The following BCAS4 variants were observed in gnomAD, a reference collection of about 807,000 sequenced individuals.
BCAS4 encodes breast carcinoma-amplified sequence 4.
Under a neutral mutation model 15.7 loss-of-function variants are expected in BCAS4, and 9 were observed. The observed-to-expected ratio is 0.57, with a 90% CI of 0.34 to 1.00. The LOEUF is 1.00. Among genes scored for constraint, BCAS4 ranks in the 50% least tolerant of loss-of-function variants. BCAS4 has a pLI of 0.02. For missense variants in BCAS4, 225 were observed against 239.1 expected, an observed-to-expected ratio of 0.94 and a Z score of 0.39; for synonymous variants, 101 against 99.5, an observed-to-expected ratio of 1.02 and a Z score of -0.09.
intron 4 of BCAS4, among the ~76,000 whole-genome samples, chr20:50,858,725 A>ATT (rs58684022): frequency 0.23 from 26,617 of 117,560 alleles, 4,389 homozygotes; most frequent in African/African-American, 0.41. Context: ...TTTTTCTTGA[A>ATT]TTTTTTTTTT....
intron 4 of BCAS4, among the ~76,000 whole-genome samples, chr20:50,870,753 A>G (rs1408746559): frequency 6.6e-6 from 1 of 152,252 alleles, no homozygotes; most frequent in African/African-American, 2.4e-5. Flanking sequence ...CCCAGCACAC[A>G]TGCATTTGGC....
At chr20:50,823,113 G>T (rs1334888991) in intron 2 of BCAS4, among the ~76,000 whole-genome samples, 2 of 151,826 alleles carry the variant, frequency 1.3e-5, no homozygotes, top group African/African-American at 2.4e-5. Context: ...GCCGAGGCGG[G>T]TGGATCACCT....
chr20:50,798,756 T>G (rs1248441772), intron 1 of BCAS4, among the ~76,000 whole-genome samples: 1 of 152,162 alleles, frequency 6.6e-6, no homozygotes, highest in African/African-American at 2.4e-5. Flanking sequence ...CTTCCTAGTG[T>G]CCCATGATGA....
intron 3 of BCAS4, among the ~76,000 whole-genome samples, chr20:50,838,432 C>G (rs960314418): frequency 6.6e-6 from 1 of 152,148 alleles, no homozygotes; most frequent in African/African-American, 2.4e-5. Context: ...AAGACAGACT[C>G]GGCGCAGTGG....
Position 50,841,918 on chromosome 20 carries a change from A to G in BCAS4, c.399+18A>G. 1.3e-6 allele frequency: 2 copies of G among 1,545,892 alleles called. No individual in the cohort carries two copies. Among genetic ancestry groups the G allele is most frequent in the South Asian group, 2.4e-5 (2 of 82,402 alleles). ...TCAGGAACGTGAGTATCCTGCCCCGAGAAGTGAGGGGAGGGCCTCTCCCCC... is the reference window on the plus strand; with the variant it reads ...TCAGGAACGTGAGTATCCTGCCCCGGGAAGTGAGGGGAGGGCCTCTCCCCC... On this transcript the variant is annotated intron_variant, in intron 4 of 4. Transcript: ENST00000371608.
At chr20:50,796,010 C>T (rs1365473267) in intron 1 of BCAS4, among the ~76,000 whole-genome samples, 2 of 150,528 alleles carry the variant, frequency 1.3e-5, no homozygotes, top group African/African-American at 2.5e-5. Flanking sequence ...GGATAGGGGA[C>T]GGGGAAGAGT....
rs1356677012 is a variant in BCAS4 at position 50,851,743 on chromosome 20, C to G, written c.399+9843C>G. Among the ~76,000 whole-genome samples the G allele has an allele frequency of 6.6e-6, 1 of 152,124 alleles. No individual in the cohort carries two copies. The highest frequency in any genetic ancestry group is 6.5e-5 in the Admixed American group (1 of 15,282). ...TTTGCGGCCTTTGCACATGCCGGTT[C>G]CCCTCCCTGGAAAACCCTTCCCGCT... On this transcript the variant is annotated intron_variant, in intron 4 of 4. Coordinates refer to ENST00000371608, the MANE Select transcript of BCAS4 (RefSeq NM_198799.4). This position sits in a 1 kb window ranked among gnomAD's most constrained non-coding sequence, Gnocchi z 4.3.
chr20:50,812,376 GC>G (rs111900093), intron 1 of BCAS4, among the ~76,000 whole-genome samples: 15,897 of 149,948 alleles, frequency 0.11, 965 homozygotes, highest in African/African-American at 0.17. Flanking sequence ...GTTGTGATCC[GC>G]CCCCCCTTGG....
intron 4 of BCAS4, among the ~76,000 whole-genome samples, chr20:50,864,607 T>A (rs898140706): frequency 8.6e-5 from 13 of 151,394 alleles, no homozygotes; most frequent in African/African-American, 3.2e-4. Context: ...CCTGGCTAAA[T>A]TTTTTTTGTA....
intron 1 of BCAS4, among the ~76,000 whole-genome samples, chr20:50,807,347 C>A (rs2088003749): frequency 6.6e-6 from 1 of 151,746 alleles, no homozygotes; most frequent in Non-Finnish European, 1.5e-5. Context: ...CATGTGCCAC[C>A]ATGCCCAGCT....
At chr20:50,874,007 C>T (rs1272057900) in intron 4 of BCAS4, among the ~76,000 whole-genome samples, 1 of 152,122 alleles carries the variant, frequency 6.6e-6, no homozygotes, top group East Asian at 1.9e-4. Flanking sequence ...TAAGTCAAGG[C>T]CCTGGAGCCC....
At chr20:50,863,005 A>AT (rs1416052609) in intron 4 of BCAS4, among the ~76,000 whole-genome samples, 2 of 151,834 alleles carry the variant, frequency 1.3e-5, no homozygotes, top group Non-Finnish European at 2.9e-5. Context: ...TAATTTTTGT[A>AT]TTTTTAGTAG....
intron 3 of BCAS4, among the ~76,000 whole-genome samples, chr20:50,830,949 C>A (rs925757879): frequency 6.6e-6 from 1 of 152,162 alleles, no homozygotes; most frequent in Non-Finnish European, 1.5e-5. Flanking sequence ...GCTTTGATAA[C>A]CCTGGGCCCA....
chr20:50,844,754 C>T (rs562015545), intron 4 of BCAS4, among the ~76,000 whole-genome samples: 4 of 152,298 alleles, frequency 2.6e-5, no homozygotes, highest in Non-Finnish European at 5.9e-5. Context: ...GGCATCCCCC[C>T]CCGGGGTGTG....
At chr20:50,842,613 TCACC>T (rs1478308865) in intron 4 of BCAS4, among the ~76,000 whole-genome samples, 3 of 152,244 alleles carry the variant, frequency 2.0e-5, no homozygotes, top group Non-Finnish European at 2.9e-5. Flanking sequence ...AGATGGGGTT[TCACC>T]ATGTTGGCCA....
intron 3 of BCAS4, chr20:50,840,793 A>T: frequency 7.1e-7 from 1 of 1,398,976 alleles, no homozygotes; most frequent in Non-Finnish European, 1.0e-6. Flanking sequence ...GAACGAGCGA[A>T]GTCTGGTCTG....
At position 50,851,245 on chromosome 20, in the gene BCAS4, G is replaced by A. The variant is rs1978402426; in HGVS notation, c.399+9345G>A. Among the ~76,000 whole-genome samples, 1 of 152,182 alleles carries A rather than the reference G, an allele frequency of 6.6e-6. No homozygotes were observed. The highest frequency in any genetic ancestry group is 1.5e-5 in the Non-Finnish European group (1 of 68,038). The stretch of plus-strand genomic sequence containing the variant: ...CCCTGAACCAGCCACTGCTTCTCCT[G>A]CTGCCCCCATCAGCCCTTGCAGTAA... On this transcript the variant is annotated intron_variant, in intron 4 of 4. Transcript: ENST00000371608. This position sits in a 1 kb window ranked among gnomAD's most constrained non-coding sequence, Gnocchi z 4.3.
At chr20:50,850,453 A>G (rs1978345818) in intron 4 of BCAS4, among the ~76,000 whole-genome samples, 1 of 152,234 alleles carries the variant, frequency 6.6e-6, no homozygotes, top group African/African-American at 2.4e-5. Context: ...CCAAGGCTGC[A>G]AACTCGAGAT....
intron 4 of BCAS4, among the ~76,000 whole-genome samples, chr20:50,848,393 C>T (rs1354711727): frequency 2.0e-5 from 3 of 152,122 alleles, no homozygotes; most frequent in South Asian, 2.1e-4. Context: ...AGAGCGCTCC[C>T]GGCCAAGGGA....
Sources: gnomAD v4.1 joint callset for allele counts (sites outside exome capture counted in the v4.1 genomes callset) on GRCh38, gnomAD v4.1.1 for gene constraint, Gnocchi (gnomAD v3.1) non-coding constraint, MANE v1.5 for transcripts, NCBI Gene and HGNC (gene_info 2026-07-23, HGNC 2026-07-21) for gene names.